The following YTHDC1 variants were observed in gnomAD, a reference collection of about 807,000 sequenced individuals.
The protein encoded by YTHDC1 is YTH N6-methyladenosine RNA binding protein C1.
A neutral mutation model predicts 107.0 loss-of-function variants in YTHDC1; 12 were observed. The observed-to-expected ratio is 0.11, with a 90% CI of 0.07 to 0.18. The LOEUF (loss-of-function observed/expected upper bound fraction) is 0.18, where lower values mean the gene tolerates loss of function less well. YTHDC1 is among the 10% of genes least tolerant of loss of function. The pLI, the probability that YTHDC1 is intolerant of heterozygous loss-of-function variation, is 1.00. For missense variants in YTHDC1, 635 were observed against 898.8 expected (o/e 0.71, Z 3.75); for synonymous variants, 280 against 289.5 (o/e 0.97, Z 0.33).
chr4:68,324,229 T>C lies in YTHDC1; in HGVS notation c.1350-6A>G, dbSNP rs776317108. On this transcript the variant is annotated splice_polypyrimidine_tract_variant and splice_region_variant and intron_variant, in intron 9 of 16. Transcript: ENST00000344157. Reference sequence around the variant, plus strand: ...TAGTGAAGGGTAATTCACGCCTAAATACAAAGTAATATCAATTACATTCTT... The same window carrying C: ...TAGTGAAGGGTAATTCACGCCTAAACACAAAGTAATATCAATTACATTCTT... 15 of 1,607,710 alleles carry C rather than the reference T, an allele frequency of 9.3e-6. No individual in the cohort carries two copies. The highest frequency in any genetic ancestry group is 1.1e-5 in the Non-Finnish European group (13 of 1,174,632).
intron 9 of YTHDC1, among the ~76,000 whole-genome samples, chr4:68,326,851 A>T (rs886603548): frequency 6.6e-6 from 1 of 151,156 alleles, no homozygotes; most frequent in Non-Finnish European, 1.5e-5. Context: ...TCAGCCTCCC[A>T]AAGTGCTGGG....
chr4:68,330,181 C>A, intron 8 of YTHDC1, 21 bp downstream of exon 8: 1 of 1,574,334 alleles, frequency 6.4e-7, no homozygotes, highest in Non-Finnish European at 8.7e-7. Flanking sequence ...TTTTATATGT[C>A]CAAATTATTT....
intron 5 of YTHDC1, 67 bp from the exon 6 acceptor site, chr4:68,332,914 T>A: frequency 7.4e-7 from 1 of 1,345,630 alleles, no homozygotes; most frequent in Non-Finnish European, 1.0e-6. Context: ...ATTTCTACAG[T>A]CTTGTCACAT....
intron 1 of YTHDC1, among the ~76,000 whole-genome samples, chr4:68,348,474 C>CAA (rs34746525): frequency 4.5e-4 from 54 of 120,950 alleles, no homozygotes; most frequent in African/African-American, 1.2e-3. Context: ...CTGGATTTCT[C>CAA]AAAAAAAAAA....
At chr4:68,332,686 A>G in intron 6 of YTHDC1, 108 bp downstream of exon 6, 1 of 948,230 alleles carries the variant, frequency 1.1e-6, no homozygotes, top group Non-Finnish European at 1.6e-6. Context: ...GCTTCATGTA[A>G]TATATCGGAA....
rs1371783319 is a variant in YTHDC1 at position 68,322,603 on chromosome 4, A to C, written c.1601+146T>G. On this transcript the variant is annotated intron_variant, in intron 11 of 16. Coordinates refer to ENST00000344157, the MANE Select transcript of YTHDC1 (RefSeq NM_001031732.4). This position sits in a 1 kb window ranked among gnomAD's most constrained non-coding sequence, Gnocchi z 4.8. ...ACCAAGGTGACCATGTGAAATCCTC[A>C]ATGAAGCCACAAACTAGTCCATGCA... The C allele has an allele frequency of 1.0e-6, 1 of 979,854 alleles. No individual in the cohort carries two copies. The highest frequency in any genetic ancestry group is 1.4e-6 in the Non-Finnish European group (1 of 692,090). 60.7% of individuals were successfully genotyped at this position (979,854 alleles called of 1,614,324 possible).
rs1031967540 is a variant in YTHDC1 at position 68,311,198 on chromosome 4, T to C, written c.*2901A>G. The C allele has an allele frequency of 6.6e-6, 1 of 152,104 alleles. No homozygotes were observed. The highest frequency in any genetic ancestry group is 2.4e-5 in the African/African-American group (1 of 41,420). 9.4% of individuals were successfully genotyped at this position (152,104 alleles called of 1,614,324 possible). On this transcript the variant is annotated 3_prime_UTR_variant, in exon 17 of 17. Coordinates refer to ENST00000344157, the MANE Select transcript of YTHDC1 (RefSeq NM_001031732.4). ...ATTCAGTCCTTTTGGGGAACTGACA[T>C]GGACACTGGGAGGAAAATAGTCTCT...
intron 9 of YTHDC1, among the ~76,000 whole-genome samples, chr4:68,327,403 T>C (rs995265246): frequency 1.5e-5 from 2 of 132,664 alleles, no homozygotes; most frequent in African/African-American, 5.4e-5. Context: ...GCAACCTTAA[T>C]AAGTCGCTTT....
rs189759054 is a variant in YTHDC1, at chr4:68,313,322, C to T, written c.*777G>A. On this transcript the variant is annotated 3_prime_UTR_variant, in exon 17 of 17. Coordinates refer to ENST00000344157, the MANE Select transcript of YTHDC1 (RefSeq NM_001031732.4). The stretch of plus-strand genomic sequence containing the variant: ...GATAAGAAAAAGATACAAAAGATAA[C>T]CGTCAATCTTTACCAATTTATTTTA... The T allele has an allele frequency of 7.2e-5, 11 of 152,632 alleles. No homozygotes were observed. Among genetic ancestry groups the T allele is most frequent in the African/African-American group, 2.6e-4 (11 of 41,528 alleles). 9.5% of individuals were successfully genotyped at this position (152,632 alleles called of 1,614,324 possible).
chr4:68,337,356 G>A lies in YTHDC1; in HGVS notation c.554C>T (p.Thr185Ile). 1.2e-6 allele frequency: 2 copies of A among 1,613,994 alleles called. No homozygotes were observed. The highest frequency in any genetic ancestry group is 2.7e-5 in the African/African-American group (2 of 74,974). ...NSEEYGSDHE[T>I]GSSGSSDEQG... is the part of the protein sequence containing the mutation. ...CTCATCAGAAGAACCACTGCTGCCA[G>A]TCTCATGGTCAGAGCCATATTCTTC... The change falls in exon 4 of 17, where the codon ACT becomes ATT. Residue 185 changes from threonine (T) to isoleucine (I), a missense_variant. Around this residue, in one of 5 missense-constraint regions of YTHDC1, gnomAD observed 294 missense variants for 312.3 expected, o/e 0.94. Transcript: ENST00000344157.
intron 9 of YTHDC1, among the ~76,000 whole-genome samples, chr4:68,329,189 TA>T (rs34041375): frequency 4.6e-5 from 7 of 152,066 alleles, no homozygotes; most frequent in Admixed American, 2.0e-4. Context: ...ATCTCCTTCA[TA>T]AAAAAAGGTA....
chr4:68,330,491 GA>G (rs1165727493), intron 7 of YTHDC1, among the ~76,000 whole-genome samples, 181 bp from the exon 8 acceptor site: 1 of 151,948 alleles, frequency 6.6e-6, no homozygotes, highest in East Asian at 1.9e-4. Flanking sequence ...AAACCTAAGG[GA>G]AAAAATGGAG....
rs1462833552 is a variant in YTHDC1, at chr4:68,349,965, G to A, written c.-212C>T. 1.2e-5 allele frequency: 8 copies of A among 671,826 alleles called. No individual in the cohort carries two copies. In the East Asian group the frequency reaches 1.7e-4, roughly 14 times the overall value. 41.6% of individuals were successfully genotyped at this position (671,826 alleles called of 1,614,324 possible). ...TTCACTCCAGCATCCAGCGGCCTAG[G>A]CCCAGCCTTCTCGTTAGGGCTCAGA... On this transcript the variant is annotated 5_prime_UTR_variant, in exon 1 of 17. Coordinates refer to ENST00000344157, the MANE Select transcript of YTHDC1 (RefSeq NM_001031732.4).
rs1721383696 is a variant in YTHDC1 at position 68,312,500 on chromosome 4, C to T, written c.*1599G>A. On this transcript the variant is annotated 3_prime_UTR_variant, in exon 17 of 17. Coordinates refer to ENST00000344157, the MANE Select transcript of YTHDC1 (RefSeq NM_001031732.4). ...ATTAAAGACAATGACAAAACTAGAACCCAGGTTTCCTTAAAAGTACTTTTT... is the reference window on the plus strand; with the variant it reads ...ATTAAAGACAATGACAAAACTAGAATCCAGGTTTCCTTAAAAGTACTTTTT... 6.6e-6 allele frequency: 1 copy of T among 152,166 alleles called. No homozygotes were observed. The highest frequency in any genetic ancestry group is 2.4e-5 in the African/African-American group (1 of 41,446). 9.4% of individuals were successfully genotyped at this position (152,166 alleles called of 1,614,324 possible). A position where few individuals can be genotyped will look rare whatever the true frequency, so the allele number is the denominator to read the frequency against.
At chr4:68,338,192 A>G in intron 2 of YTHDC1, 91 bp downstream of exon 2, 1 of 1,343,810 alleles carries the variant, frequency 7.4e-7, no homozygotes, top group Admixed American at 2.6e-5. Flanking sequence ...TCAAGGAACA[A>G]GCACAAAAAA....
chr4:68,333,579 G>C (rs184432169), intron 4 of YTHDC1, among the ~76,000 whole-genome samples, 182 bp from the exon 5 acceptor site: 1 of 151,936 alleles, frequency 6.6e-6, no homozygotes, highest in Non-Finnish European at 1.5e-5. Flanking sequence ...TAAAAAGTAC[G>C]GGCATCTTGT....
intron 9 of YTHDC1, among the ~76,000 whole-genome samples, chr4:68,329,670 G>A (rs1339671679): frequency 6.6e-6 from 1 of 152,090 alleles, no homozygotes; most frequent in Non-Finnish European, 1.5e-5. Context: ...GACTAAACTA[G>A]TTACCTCCGA....
chr4:68,347,153 C>G (rs1157984039), intron 1 of YTHDC1, among the ~76,000 whole-genome samples: 1 of 152,182 alleles, frequency 6.6e-6, no homozygotes, highest in Non-Finnish European at 1.5e-5. Flanking sequence ...CAGGGAGCTT[C>G]TAGTCTGGTA....
intron 15 of YTHDC1, 132 bp from the exon 16 acceptor site, chr4:68,316,580 A>C (rs1721881777): frequency 9.4e-7 from 1 of 1,065,468 alleles, no homozygotes; most frequent in African/African-American, 1.6e-5. Flanking sequence ...TGATGGCATT[A>C]AGGTGTTTCA....
Sources: allele counts gnomAD v4.1 joint callset (sites outside exome capture counted in the v4.1 genomes callset), GRCh38; gene constraint gnomAD v4.1.1; regional missense constraint gnomAD v4.1.1; non-coding constraint Gnocchi (gnomAD v3.1); transcripts MANE v1.5; gene names NCBI Gene and HGNC (gene_info 2026-07-23, HGNC 2026-07-21).